The following PNPLA7 variants were observed in gnomAD, a reference collection of about 807,000 sequenced individuals.
PNPLA7 encodes patatin like domain 7, lysophospholipase, also known as patatin-like phospholipase domain-containing protein 7.
A neutral mutation model predicts 161.7 loss-of-function variants in PNPLA7; 153 were observed. The ratio of observed to expected loss-of-function variants is 0.95; its 90% CI spans 0.83 to 1.08. The LOEUF is 1.08. Among genes scored for constraint, PNPLA7 ranks in the 50% least tolerant of loss-of-function variants. The pLI, the probability that PNPLA7 is intolerant of heterozygous loss-of-function variation, is 0.00. For synonymous variants in PNPLA7, 809 were observed against 782.1 expected, an observed-to-expected ratio of 1.03 and a Z score of -0.57; for missense variants, 1,739 against 1,856.6, an observed-to-expected ratio of 0.94 and a Z score of 1.16.
Position 137,464,327 on chromosome 9 carries a change from G to A in PNPLA7, c.3156+13C>T, listed in dbSNP as rs1831366485. 12 of 1,611,596 alleles carry A rather than the reference G, an allele frequency of 7.4e-6. No homozygotes were observed. Among genetic ancestry groups the A allele is most frequent in the Non-Finnish European group, 9.3e-6 (11 of 1,178,310 alleles). On this transcript the variant is annotated intron_variant, in intron 27 of 34. Coordinates refer to ENST00000406427, the MANE Select transcript of PNPLA7 (RefSeq NM_001098537.3). ...ACTGGGGGCTGCATGGGCTCCTGAG[G>A]GTGGGGGTGCACCTCGATCTGCTGG...
chr9:137,467,330 T>G lies in PNPLA7; in HGVS notation c.3026A>C (p.Lys1009Thr), dbSNP rs915093387. The G allele has an allele frequency of 3.1e-6, 5 of 1,613,424 alleles. No homozygotes were observed. The highest frequency in any genetic ancestry group is 4.2e-6 in the Non-Finnish European group (5 of 1,179,866). ...RNYSQMRIRA[K>T]QWAEGMTSLM... ...GTGCCTGCTTACCTCGGCCCACTGCTTGGCCCGGATCCGCATCTGGCTGTA... is the reference window on the plus strand; with the variant it reads ...GTGCCTGCTTACCTCGGCCCACTGCGTGGCCCGGATCCGCATCTGGCTGTA... The change falls in exon 26 of 35, where the codon AAG becomes ACG. Residue 1009 changes from lysine (K) to threonine (T), a missense_variant. Transcript: ENST00000406427. This position sits in a 1 kb window ranked among gnomAD's most constrained non-coding sequence, Gnocchi z 5.1.
Position 137,478,052 on chromosome 9 carries a change from A to G in PNPLA7, c.2864T>C (p.Leu955Pro). The change falls in exon 25 of 35, where the codon CTT becomes CCT. Residue 955 changes from leucine (L) to proline (P), a missense_variant. This residue lies in a region of PNPLA7 where 703 missense variants were observed against 694.6 expected (regional missense o/e 1.01). Coordinates refer to ENST00000406427, the MANE Select transcript of PNPLA7 (RefSeq NM_001098537.3). Reference protein sequence around the residue: ...VLTGNAIALVLGGGGARGCAQ... With the variant: ...VLTGNAIALVPGGGGARGCAQ... ...GACTCACCTTGCTCCCCCTCCCCCA[A>G]GCACCAGGGCAATGGCGTTGCCCGT... 1 of 1,435,006 alleles carries G rather than the reference A, an allele frequency of 7.0e-7. No individual in the cohort carries two copies. The highest frequency in any genetic ancestry group is 9.2e-7 in the Non-Finnish European group (1 of 1,090,750). The allele number at this position is 1,435,006 out of a possible 1,614,324, so 88.9% of individuals were successfully genotyped here.
intron 8 of PNPLA7, among the ~76,000 whole-genome samples, chr9:137,539,402 T>A (rs1322840129): frequency 1.3e-5 from 2 of 152,198 alleles, no homozygotes; most frequent in African/African-American, 4.8e-5. Flanking sequence ...CTTGGCATGA[T>A]GGCTTATGCC....
intron 8 of PNPLA7, among the ~76,000 whole-genome samples, chr9:137,539,653 C>A (rs1836083085): frequency 6.6e-6 from 1 of 151,938 alleles, no homozygotes; most frequent in African/African-American, 2.4e-5. Flanking sequence ...AGAGCAAGAC[C>A]CAGCCTAAAA....
At chr9:137,522,144 G>T (rs565931683) in intron 9 of PNPLA7, among the ~76,000 whole-genome samples, 1 of 152,092 alleles carries the variant, frequency 6.6e-6, no homozygotes, top group Non-Finnish European at 1.5e-5. Flanking sequence ...GCACCATCTC[G>T]GCTCACTGCA....
In PNPLA7 at chr9:137,495,141, C is replaced by T; in HGVS notation, c.2019G>A (p.Glu673=). 2 of 1,598,090 alleles carry T rather than the reference C, an allele frequency of 1.3e-6. No individual in the cohort carries two copies. Among genetic ancestry groups the T allele is most frequent in the Non-Finnish European group, 1.7e-6 (2 of 1,175,132 alleles). Residue 673 remains glutamate (E), a synonymous_variant, in exon 19 of 35, where the codon GAG becomes GAA. Transcript: ENST00000406427. ...YGRGDLVGVV[E]TLTHQARATT... ...TCGCCCGGGCCTGGTGGGTCAGTGTCTCCACCTGAGGACAGGAGCCGGCTG... is the reference window on the plus strand; with the variant it reads ...TCGCCCGGGCCTGGTGGGTCAGTGTTTCCACCTGAGGACAGGAGCCGGCTG...
In PNPLA7 at chr9:137,543,531, T is replaced by G. The variant is rs762493334; in HGVS notation, c.407A>C (p.Lys136Thr). ...CTCCAGCAGGGAGGGCGGGGGCTCC[T>G]TGGGCTGCAGGGCCGGGTATTCCTT... ...FKKEYPALQP[K>T]EPPPSLLEAD... is the part of the protein sequence containing the mutation. The change falls in exon 6 of 35, where the codon AAG (lysine) becomes ACG (threonine). Residue 136 changes from lysine to threonine, a missense_variant. Coordinates refer to ENST00000406427, the MANE Select transcript of PNPLA7 (RefSeq NM_001098537.3). The surrounding 1 kb of genome is among the most constrained non-coding windows in gnomAD (Gnocchi z 6.9). 3 of 1,613,928 alleles carry G rather than the reference T, an allele frequency of 1.9e-6. No homozygotes were observed. Among genetic ancestry groups the G allele is most frequent in the Non-Finnish European group, 2.5e-6 (3 of 1,179,938 alleles).
Position 137,463,542 on chromosome 9 carries a change from G to T in PNPLA7, c.3227-11C>A. On this transcript the variant is annotated splice_polypyrimidine_tract_variant and intron_variant, in intron 28 of 34. Transcript: ENST00000406427. ...ACCACCACAGGGAGCCTGGGGAGGG[G>T]GCCCGGAGCTGCTGGTTACCCGGAG... The T allele has an allele frequency of 6.4e-7, 1 of 1,561,146 alleles. No individual in the cohort carries two copies. Among genetic ancestry groups the T allele is most frequent in the Admixed American group, 1.9e-5 (1 of 53,220 alleles).
At chr9:137,517,237 CCT>C (rs1834644421) in intron 11 of PNPLA7, among the ~76,000 whole-genome samples, 2 of 112,852 alleles carry the variant, frequency 1.8e-5, no homozygotes. Flanking sequence ...CCACTCCATC[CCT>C]CACTCACTCA....
At chr9:137,463,069 GC>G in intron 29 of PNPLA7, 1 of 634,062 alleles carries the variant, frequency 1.6e-6, no homozygotes, top group Non-Finnish European at 2.7e-6. Flanking sequence ...GCCTGGCCTG[GC>G]CCCCAGCAAG....
At chr9:137,497,147 T>G (rs1833101671) in intron 18 of PNPLA7, 40 bp downstream of exon 18, 2 of 1,496,680 alleles carry the variant, frequency 1.3e-6, no homozygotes, top group Non-Finnish European at 1.8e-6. Context: ...CTGGGAGGGA[T>G]GCAGAGGTGG....
At position 137,520,008 on chromosome 9, in the gene PNPLA7, A is replaced by T. The variant is rs762862181; in HGVS notation, c.993T>A (p.Ser331Arg). ...GCTTCTTGGCCTTCCCGGCAGCCACACTGGCTACAGACACGAGAGGGATGG... is the reference window on the plus strand; with the variant it reads ...GCTTCTTGGCCTTCCCGGCAGCCACTCTGGCTACAGACACGAGAGGGATGG... ...SQAIPLVSVA[S>R]VAAGKAKKQV... is the part of the protein sequence containing the mutation. The change falls in exon 11 of 35, where the codon AGT becomes AGA. Residue 331 changes from serine (S) to arginine (R), a missense_variant. By Grantham distance (110) the Ser-to-Arg change is moderately radical (BLOSUM62 -1). This residue lies in a region of PNPLA7 where 152 missense variants were observed against 193.5 expected (regional missense o/e 0.79). Coordinates refer to ENST00000406427, the MANE Select transcript of PNPLA7 (RefSeq NM_001098537.3). This position sits in a 1 kb window ranked among gnomAD's most constrained non-coding sequence, Gnocchi z 5.2. 7 of 1,612,724 alleles carry T rather than the reference A, an allele frequency of 4.3e-6. No homozygotes were observed. The South Asian group carries it at 6.6e-5, about 15-fold the overall frequency.
chr9:137,520,136 T>TCCTCAAAGGTGTGACAGGTGTGGGCC lies in PNPLA7; in HGVS notation c.958-119_958-94dup, dbSNP rs1327672301. 1.9e-5 allele frequency: 29 copies of TCCTCAAAGGTGTGACAGGTGTGGGCC among 1,534,552 alleles called. No homozygotes were observed. The African/African-American group carries it at 2.6e-4, about 14-fold the overall frequency. ...CCTCAAAGGTGTGACAGGTGTGGGC[T>TCCTCAAAGGTGTGACAGGTGTGGGCC]CCTCAAAGGTGTGACAGGTGTGGGC... is the stretch of plus-strand genomic sequence containing the variant. On this transcript the variant is annotated intron_variant, in intron 10 of 34. Coordinates refer to ENST00000406427, the MANE Select transcript of PNPLA7 (RefSeq NM_001098537.3). This position sits in a 1 kb window ranked among gnomAD's most constrained non-coding sequence, Gnocchi z 5.2.
intron 13 of PNPLA7, 53 bp from the exon 14 acceptor site, chr9:137,505,813 C>T (rs1833886366): frequency 1.9e-6 from 3 of 1,603,186 alleles, no homozygotes; most frequent in Non-Finnish European, 2.6e-6. Context: ...TGGGGAACAT[C>T]GCACAAGGGT....
At chr9:137,473,984 A>T (rs561388593) in intron 25 of PNPLA7, among the ~76,000 whole-genome samples, 1 of 152,196 alleles carries the variant, frequency 6.6e-6, no homozygotes, top group Non-Finnish European at 1.5e-5. Context: ...CACACCTGTA[A>T]TCCCGGCACT....
chr9:137,525,516 T>A (rs1835255793), intron 8 of PNPLA7, among the ~76,000 whole-genome samples: 1 of 152,150 alleles, frequency 6.6e-6, no homozygotes, highest in Non-Finnish European at 1.5e-5. Flanking sequence ...AGGGGGCCCT[T>A]CCCTATTTGG....
intron 33 of PNPLA7, chr9:137,461,330 A>AC (rs1457940516): frequency 9.5e-6 from 5 of 524,358 alleles, no homozygotes; most frequent in African/African-American, 1.9e-5. Context: ...GGGCTGGGTG[A>AC]CCCGGGGTGG....
At chr9:137,489,747 C>T (rs1291154374) in intron 20 of PNPLA7, among the ~76,000 whole-genome samples, 9 of 152,084 alleles carry the variant, frequency 5.9e-5, no homozygotes, top group African/African-American at 1.2e-4. Flanking sequence ...AAAGCAGAAT[C>T]GAGATGACAA....
chr9:137,512,063 G>A (rs905661895), intron 12 of PNPLA7, among the ~76,000 whole-genome samples: 1 of 152,172 alleles, frequency 6.6e-6, no homozygotes, highest in Non-Finnish European at 1.5e-5. Flanking sequence ...AGTGGCCTCT[G>A]GGCCCAGCTG....
Sources: allele counts gnomAD v4.1 joint callset (sites outside exome capture counted in the v4.1 genomes callset), GRCh38; gene constraint gnomAD v4.1.1; regional missense constraint gnomAD v4.1.1; non-coding constraint Gnocchi (gnomAD v3.1); transcripts MANE v1.5; gene names NCBI Gene and HGNC (gene_info 2026-07-23, HGNC 2026-07-21).